The following R3HCC1L variants were observed in gnomAD, a reference collection of about 807,000 sequenced individuals.
R3HCC1L encodes coiled-coil domain-containing protein R3HCC1L.
R3HCC1L carries 51 observed loss-of-function variants against 59.9 expected under a neutral mutation model. The ratio of observed to expected loss-of-function variants is 0.85; its 90% CI spans 0.68 to 1.07. The LOEUF (loss-of-function observed/expected upper bound fraction) is 1.07, where lower values mean the gene tolerates loss of function less well. R3HCC1L is among the 50% of genes least tolerant of loss of function. The pLI is 0.00. For synonymous variants in R3HCC1L, 322 were observed against 315.2 expected (o/e 1.02, Z -0.23); for missense variants, 965 against 933.0 (o/e 1.03, Z -0.45).
At chr10:98,227,481 G>T (rs1201598938) in intron 5 of R3HCC1L, among the ~76,000 whole-genome samples, 1 of 151,858 alleles carries the variant, frequency 6.6e-6, no homozygotes, top group Non-Finnish European at 1.5e-5. Context: ...GAGAAAGCTT[G>T]AAGGGACCTG....
intron 1 of R3HCC1L, among the ~76,000 whole-genome samples, chr10:98,152,277 T>C (rs1162050010): frequency 1.3e-5 from 2 of 152,032 alleles, no homozygotes. Flanking sequence ...CAGGCTGGAG[T>C]GCAGTGGCGC....
At chr10:98,230,315 T>C (rs1046779290) in intron 5 of R3HCC1L, among the ~76,000 whole-genome samples, 4 of 152,078 alleles carry the variant, frequency 2.6e-5, no homozygotes, top group Non-Finnish European at 5.9e-5. Flanking sequence ...CTTGGGAGAG[T>C]GTATGTGTCG....
intron 4 of R3HCC1L, among the ~76,000 whole-genome samples, chr10:98,198,335 A>T (rs1851672467): frequency 6.6e-6 from 1 of 152,132 alleles, no homozygotes; most frequent in African/African-American, 2.4e-5. Flanking sequence ...TCTGTAAGGT[A>T]CTTCCATGCC....
rs140873532 is a variant in R3HCC1L, at chr10:98,154,904, G to A, written c.-267-1189G>A. Among the ~76,000 whole-genome samples the A allele has an allele frequency of 2.9e-3, 441 of 152,236 alleles. 4 individuals carry two copies. The highest frequency in any genetic ancestry group is 9.5e-3 in the African/African-American group (393 of 41,538). ...AATCCTTGCTTAATTAGGATTATCA[G>A]TTTCTCATAAAGAAAAAAATATCCG... On this transcript the variant is annotated intron_variant, in intron 1 of 9. Coordinates refer to ENST00000298999, the MANE Select transcript of R3HCC1L (RefSeq NM_001351015.2).
intron 4 of R3HCC1L, among the ~76,000 whole-genome samples, chr10:98,180,179 C>T (rs1474976103): frequency 1.3e-5 from 2 of 152,138 alleles, no homozygotes; most frequent in Non-Finnish European, 2.9e-5. Context: ...TTCCTGCTTT[C>T]TCTTGTGGGC....
intron 1 of R3HCC1L, among the ~76,000 whole-genome samples, chr10:98,150,941 T>G (rs1846093163): frequency 6.6e-6 from 1 of 152,166 alleles, no homozygotes; most frequent in Non-Finnish European, 1.5e-5. Context: ...GTTGTCCACC[T>G]TATTCTCTTT....
At chr10:98,210,265 T>G (rs977920046) in intron 5 of R3HCC1L, among the ~76,000 whole-genome samples, 2 of 152,190 alleles carry the variant, frequency 1.3e-5, no homozygotes, top group Non-Finnish European at 2.9e-5. Context: ...TATTGTTATT[T>G]ATATTTTATT....
At chr10:98,164,847 T>G (rs957295798) in intron 4 of R3HCC1L, among the ~76,000 whole-genome samples, 1 of 152,136 alleles carries the variant, frequency 6.6e-6, no homozygotes, top group African/African-American at 2.4e-5. Context: ...GCAATTTGAA[T>G]GGAAGGTGTT....
At chr10:98,143,650 G>T (rs533531995) in intron 1 of R3HCC1L, among the ~76,000 whole-genome samples, 2 of 152,282 alleles carry the variant, frequency 1.3e-5, no homozygotes, top group African/African-American at 4.8e-5. Context: ...CTTGCAGTTT[G>T]CCCCCTCAGT....
chr10:98,175,878 TTG>T (rs1848960840), intron 4 of R3HCC1L, among the ~76,000 whole-genome samples: 1 of 152,182 alleles, frequency 6.6e-6, no homozygotes, highest in African/African-American at 2.4e-5. Context: ...CACAAAGATT[TTG>T]TTCTATATTT....
Position 98,208,457 on chromosome 10 carries a change from G to C in R3HCC1L, c.343G>C (p.Glu115Gln). ...CSKRGTTESKEVLSQGQQQGA... is the reference protein window; with the variant it reads ...CSKRGTTESKQVLSQGQQQGA... ...TAAGAGAGGAACCACTGAATCCAAA[G>C]AAGTATTATCCCAAGGACAACAGCA... is the stretch of plus-strand genomic sequence containing the variant. Residue 115 changes from glutamate (E) to glutamine (Q), a missense_variant, in exon 5 of 10, where the codon GAA becomes CAA. Coordinates refer to ENST00000298999, the MANE Select transcript of R3HCC1L (RefSeq NM_001351015.2). 1 of 1,614,098 alleles carries C rather than the reference G, an allele frequency of 6.2e-7. No homozygotes were observed. The highest frequency in any genetic ancestry group is 8.5e-7 in the Non-Finnish European group (1 of 1,179,998).
intron 5 of R3HCC1L, chr10:98,231,170 A>G: frequency 3.0e-6 from 1 of 335,370 alleles, no homozygotes; most frequent in South Asian, 3.0e-5. Flanking sequence ...CTCTTCAGCT[A>G]TTATCTAAGC....
At chr10:98,242,921 C>T (rs536468755) in intron 9 of R3HCC1L, among the ~76,000 whole-genome samples, 1 of 152,338 alleles carries the variant, frequency 6.6e-6, no homozygotes, top group African/African-American at 2.4e-5. Context: ...AGGCCTGCCT[C>T]AGTTCCAGGG....
At chr10:98,221,855 G>C (rs1213360074) in intron 5 of R3HCC1L, among the ~76,000 whole-genome samples, 1 of 152,102 alleles carries the variant, frequency 6.6e-6, no homozygotes, top group East Asian at 1.9e-4. Context: ...TTGACTTGGC[G>C]ATTCGGGCTC....
intron 1 of R3HCC1L, among the ~76,000 whole-genome samples, chr10:98,151,255 A>T (rs1246081367): frequency 6.6e-6 from 1 of 152,204 alleles, no homozygotes; most frequent in African/African-American, 2.4e-5. Context: ...AAGAAGGTCT[A>T]GTGTGCGCTG....
intron 9 of R3HCC1L, among the ~76,000 whole-genome samples, chr10:98,241,383 AT>A (rs1308280667): frequency 3.3e-5 from 5 of 152,100 alleles, no homozygotes; most frequent in Admixed American, 6.5e-5. Context: ...ACATTCTCTT[AT>A]GTAAAGTCTT....
intron 5 of R3HCC1L, chr10:98,230,984 C>A: frequency 2.5e-6 from 1 of 404,390 alleles, no homozygotes; most frequent in Non-Finnish European, 4.9e-6. Context: ...CTTAATTTGT[C>A]TTAACAAATG....
At chr10:98,205,806 C>T (rs1199609389) in intron 4 of R3HCC1L, among the ~76,000 whole-genome samples, 3 of 152,042 alleles carry the variant, frequency 2.0e-5, no homozygotes, top group African/African-American at 4.8e-5. Flanking sequence ...TAATTTGAAG[C>T]CTTTGATAGG....
intron 5 of R3HCC1L, chr10:98,211,264 A>T: frequency 7.7e-7 from 1 of 1,292,672 alleles, no homozygotes; most frequent in Non-Finnish European, 1.1e-6. Context: ...TTAGAAATTC[A>T]AATTATTTAG....
Sources: allele counts gnomAD v4.1 joint callset (sites outside exome capture counted in the v4.1 genomes callset), GRCh38; gene constraint gnomAD v4.1.1; transcripts MANE v1.5; gene names NCBI Gene and HGNC (gene_info 2026-07-23, HGNC 2026-07-21).